The following SUGCT variants were observed in gnomAD, a reference collection of about 807,000 sequenced individuals.
The protein encoded by SUGCT is succinyl-CoA:glutarate CoA-transferase.
A neutral mutation model predicts 55.0 loss-of-function variants in SUGCT; 41 were observed. The ratio of observed to expected loss-of-function variants is 0.74; its 90% CI spans 0.58 to 0.97. The LOEUF is 0.97. Among genes scored for constraint, SUGCT ranks in the 50% least tolerant of loss-of-function variants. The pLI, the probability that SUGCT is intolerant of heterozygous loss-of-function variation, is 0.00. For missense variants in SUGCT, 568 were observed against 547.8 expected (o/e 1.04, Z -0.37); for synonymous variants, 187 against 200.4 (o/e 0.93, Z 0.56).
the SUGCT span, among the ~76,000 whole-genome samples, chr7:40,881,974 C>G: frequency 3.9e-5 from 6 of 152,190 alleles, no homozygotes; most frequent in African/African-American, 7.2e-5. Context: ...AACATTGGCT[C>G]TAATATTGGT....
At chr7:40,271,227 T>C (rs931545866) in intron 7 of SUGCT, among the ~76,000 whole-genome samples, 7 of 152,220 alleles carry the variant, frequency 4.6e-5, no homozygotes, top group African/African-American at 1.7e-4. Context: ...TCCAGTGTAA[T>C]GTTGAATTGA....
the SUGCT span, among the ~76,000 whole-genome samples, chr7:40,960,490 T>C: frequency 6.6e-6 from 1 of 152,150 alleles, no homozygotes; most frequent in African/African-American, 2.4e-5. Context: ...AACAATATGT[T>C]TGAAACCAGA....
At chr7:40,944,718 T>C in the SUGCT span, among the ~76,000 whole-genome samples, 1 of 152,192 alleles carries the variant, frequency 6.6e-6, no homozygotes, top group Non-Finnish European at 1.5e-5. Context: ...TCCAGCTTTG[T>C]TCTTTTGGCT....
At chr7:40,973,759 C>T in the SUGCT span, among the ~76,000 whole-genome samples, 2 of 152,186 alleles carry the variant, frequency 1.3e-5, no homozygotes, top group Non-Finnish European at 2.9e-5. Context: ...CTACAAATAT[C>T]TGACCTTTAC....
At chr7:40,971,912 T>C in the SUGCT span, among the ~76,000 whole-genome samples, 1 of 152,100 alleles carries the variant, frequency 6.6e-6, no homozygotes, top group East Asian at 1.9e-4. Flanking sequence ...TCAATTAATA[T>C]TTTTTTACAT....
intron 9 of SUGCT, among the ~76,000 whole-genome samples, chr7:40,391,266 A>G (rs1170043867): frequency 1.3e-5 from 2 of 152,238 alleles, no homozygotes; most frequent in Non-Finnish European, 2.9e-5. Flanking sequence ...TGGCAACAGA[A>G]GCCAAAATTG....
chr7:40,563,117 G>A (rs745837127), intron 12 of SUGCT, among the ~76,000 whole-genome samples: 5 of 152,106 alleles, frequency 3.3e-5, no homozygotes, highest in Non-Finnish European at 4.4e-5. Context: ...TCTATGTCCC[G>A]TCCTCCTCCC....
At position 40,385,249 on chromosome 7, in the gene SUGCT, C is replaced by T. The variant is rs372071943; in HGVS notation, c.817-64038C>T. Among the ~76,000 whole-genome samples the T allele has an allele frequency of 2.0e-3, 304 of 152,206 alleles. 12 individuals carry two copies. In the South Asian group the frequency reaches 0.059, roughly 29 times the overall value. ...AGGATTCGTGGGTTAGGATCATGGG[C>T]TTTGGAGTTCATGGTTGGAGTCAGG... On this transcript the variant is annotated intron_variant, in intron 9 of 13. Coordinates refer to ENST00000335693, the MANE Select transcript of SUGCT (RefSeq NM_001193313.2).
intron 11 of SUGCT, among the ~76,000 whole-genome samples, chr7:40,476,819 A>G (rs1458986706): frequency 6.9e-6 from 1 of 145,828 alleles, no homozygotes; most frequent in Non-Finnish European, 1.5e-5. Flanking sequence ...TTTTTTTTTG[A>G]GACAGTCTCA....
chr7:40,765,402 A>T (rs1304909624), intron 13 of SUGCT, among the ~76,000 whole-genome samples: 1 of 151,798 alleles, frequency 6.6e-6, no homozygotes, highest in Non-Finnish European at 1.5e-5. Context: ...GTCTCTTTAC[A>T]TTCAAACTCC....
chr7:40,381,325 G>A (rs1784856645), intron 9 of SUGCT, among the ~76,000 whole-genome samples: 1 of 151,896 alleles, frequency 6.6e-6, no homozygotes, highest in Non-Finnish European at 1.5e-5. Context: ...TGTATTTTTA[G>A]CTCACTTTTA....
At chr7:40,233,560 C>T (rs1488032964) in intron 6 of SUGCT, among the ~76,000 whole-genome samples, 2 of 152,066 alleles carry the variant, frequency 1.3e-5, no homozygotes, top group African/African-American at 4.8e-5. Flanking sequence ...GTGCAAGATT[C>T]CACGTACAAA....
At chr7:40,961,020 AG>A in the SUGCT span, among the ~76,000 whole-genome samples, 2 of 152,212 alleles carry the variant, frequency 1.3e-5, no homozygotes, top group Non-Finnish European at 2.9e-5. Flanking sequence ...GACTCTCTTA[AG>A]AAGGGAACAA....
downstream of SUGCT, among the ~76,000 whole-genome samples, chr7:40,862,731 GTT>G (rs200059575): frequency 0.021 from 2,842 of 134,286 alleles, 142 homozygotes; most frequent in East Asian, 0.11. Context: ...TCTTTTTCTT[GTT>G]TTTTTTTTTT....
chr7:40,897,426 G>GACAC, the SUGCT span, among the ~76,000 whole-genome samples: 2,991 of 148,868 alleles, frequency 0.02, 68 homozygotes, highest in African/African-American at 0.05. Flanking sequence ...AATAAAGCTG[G>GACAC]ACACACACAC....
rs944987791 is a variant in SUGCT at position 40,316,955 on chromosome 7, G to T, written c.816+100G>T. On this transcript the variant is annotated intron_variant, in intron 9 of 13. Coordinates refer to ENST00000335693, the MANE Select transcript of SUGCT (RefSeq NM_001193313.2). ...CTTTTTATACACAAATCCTTCAGCT[G>T]TTTTTTTTTTTTTTTTTTGTAATGT... 1,709 of 188,666 alleles carry T rather than the reference G, an allele frequency of 9.1e-3. 10 individuals are homozygous for T. Among genetic ancestry groups the T allele is most frequent in the South Asian group, 0.013 (95 of 7,082 alleles). The allele number at this position is 188,666 out of a possible 1,614,324, so 11.7% of individuals were successfully genotyped here.
At chr7:40,359,164 CATGTATGTATGTATGT>C (rs112419807) in intron 9 of SUGCT, among the ~76,000 whole-genome samples, 1 of 151,784 alleles carries the variant, frequency 6.6e-6, no homozygotes. Flanking sequence ...TATGTATGTA[CATGTATGTATGTATGT>C]ATGTATGTAT....
chr7:40,964,232 A>G, the SUGCT span, among the ~76,000 whole-genome samples: 10 of 152,304 alleles, frequency 6.6e-5, no homozygotes, highest in Admixed American at 1.3e-4. Context: ...GTAGCTCTTG[A>G]TTGGAAAGGT....
At chr7:40,770,801 A>G (rs1182006623) in intron 13 of SUGCT, among the ~76,000 whole-genome samples, 1 of 152,116 alleles carries the variant, frequency 6.6e-6, no homozygotes, top group Admixed American at 6.5e-5. Context: ...CCTAATCCCC[A>G]ATGCACTGGT....
Sources: gnomAD v4.1 joint callset for allele counts (sites outside exome capture counted in the v4.1 genomes callset) on GRCh38, gnomAD v4.1.1 for gene constraint, MANE v1.5 for transcripts, NCBI Gene and HGNC (gene_info 2026-07-23, HGNC 2026-07-21) for gene names.